The following OR2C1 variants were observed in gnomAD, a reference collection of about 807,000 sequenced individuals.
OR2C1 encodes olfactory receptor family 2 subfamily C member 1.
For missense variants in OR2C1, 468 were observed against 388.3 expected (o/e 1.21, Z -1.73); for synonymous variants, 209 against 167.3 (o/e 1.25, Z -1.92).
At chr16:3,344,749 T>G in the OR2C1 span, among the ~76,000 whole-genome samples, 1 of 150,140 alleles carries the variant, frequency 6.7e-6, no homozygotes, top group Non-Finnish European at 1.5e-5. Context: ...TTTTTTTGAT[T>G]ATACTAAGTG....
chr16:3,344,829 C>T, the OR2C1 span, among the ~76,000 whole-genome samples: 4 of 152,100 alleles, frequency 2.6e-5, no homozygotes, highest in African/African-American at 9.7e-5. Flanking sequence ...GCTACAACCC[C>T]TTTGGGACAG....
chr16:3,339,782 A>G, the OR2C1 span, among the ~76,000 whole-genome samples: 12 of 152,126 alleles, frequency 7.9e-5, no homozygotes, highest in Non-Finnish European at 1.6e-4. Flanking sequence ...TCAGCAATGC[A>G]TGAGAGTTCT....
chr16:3,356,847 A>C lies in OR2C1; in HGVS notation c.907A>C (p.Arg303=), dbSNP rs773269792. ...RNMEVKGALR[R]LLGKGREVG ...CATGGAAGTGAAGGGCGCACTGAGG[A>C]GGTTGCTGGGGAAAGGAAGAGAAGT... The change falls in exon 1 of 1, where the codon AGG becomes CGG. Residue 303 remains arginine (R), a synonymous_variant. Coordinates refer to ENST00000304936, the MANE Select transcript of OR2C1 (RefSeq NM_012368.3). The C allele has an allele frequency of 4.4e-6, 7 of 1,605,624 alleles. No individual in the cohort carries two copies. The Admixed American group carries it at 1.0e-4, about 23-fold the overall frequency.
At chr16:3,339,707 C>T in the OR2C1 span, among the ~76,000 whole-genome samples, 1 of 152,116 alleles carries the variant, frequency 6.6e-6, no homozygotes, top group Admixed American at 6.6e-5. Flanking sequence ...CCACCCGCCT[C>T]GGCCTCCCAA....
the OR2C1 span, among the ~76,000 whole-genome samples, chr16:3,333,844 C>G: frequency 2.7e-4 from 41 of 152,222 alleles, no homozygotes; most frequent in East Asian, 7.7e-3. Flanking sequence ...AGATTTAAGT[C>G]TTTAATCCAT....
chr16:3,337,598 A>T, the OR2C1 span, among the ~76,000 whole-genome samples: 6 of 152,044 alleles, frequency 3.9e-5, no homozygotes, highest in South Asian at 8.3e-4. Flanking sequence ...GATTTTTTTT[A>T]AATTACCTCA....
chr16:3,330,922 A>AT, the OR2C1 span, among the ~76,000 whole-genome samples: 6 of 150,958 alleles, frequency 4.0e-5, no homozygotes, highest in African/African-American at 1.5e-4. Flanking sequence ...GTAATTAAAA[A>AT]TTTTTTTTTT....
chr16:3,350,806 A>C, the OR2C1 span, among the ~76,000 whole-genome samples: 1 of 151,764 alleles, frequency 6.6e-6, no homozygotes, highest in Non-Finnish European at 1.5e-5. Context: ...CTTAACATAC[A>C]AACAAACAAA....
chr16:3,323,400 G>T, the OR2C1 span: 1 of 813,126 alleles, frequency 1.2e-6, no homozygotes, highest in South Asian at 1.3e-5. Context: ...TTCCCCAGGT[G>T]CTCCTCAATC....
the OR2C1 span, among the ~76,000 whole-genome samples, chr16:3,341,702 CT>C: frequency 2.0e-5 from 3 of 152,150 alleles, no homozygotes; most frequent in Admixed American, 2.0e-4. Context: ...TGCAAAGTTC[CT>C]GAGTATGAGC....
chr16:3,333,353 T>G, the OR2C1 span, among the ~76,000 whole-genome samples: 1 of 151,910 alleles, frequency 6.6e-6, no homozygotes, highest in African/African-American at 2.4e-5. Flanking sequence ...TTTAGTTTAT[T>G]TGAGACGGAG....
chr16:3,323,002 C>G, the OR2C1 span: 3 of 859,374 alleles, frequency 3.5e-6, no homozygotes, highest in Non-Finnish European at 2.8e-6. Context: ...TGGAACTGGA[C>G]TGTGATGAGA....
At chr16:3,326,972 C>T in the OR2C1 span, among the ~76,000 whole-genome samples, 4 of 152,138 alleles carry the variant, frequency 2.6e-5, no homozygotes, top group East Asian at 1.9e-4. Flanking sequence ...TGAATCTATA[C>T]ATTCCCTTTA....
chr16:3,323,761 G>A, the OR2C1 span: 1 of 700,102 alleles, frequency 1.4e-6, no homozygotes, highest in Admixed American at 2.2e-5. Context: ...AATTATGTAG[G>A]AATGATTCCA....
At chr16:3,327,834 T>C in the OR2C1 span, among the ~76,000 whole-genome samples, 1 of 151,778 alleles carries the variant, frequency 6.6e-6, no homozygotes, top group African/African-American at 2.4e-5. Flanking sequence ...ATTTACTCAC[T>C]TGCATTGGCT....
the OR2C1 span, among the ~76,000 whole-genome samples, chr16:3,325,261 C>A: frequency 6.6e-6 from 1 of 151,872 alleles, no homozygotes; most frequent in Non-Finnish European, 1.5e-5. Flanking sequence ...GGATTACAGG[C>A]CTGAGCCACT....
At chr16:3,324,288 A>G in the OR2C1 span, among the ~76,000 whole-genome samples, 3 of 152,012 alleles carry the variant, frequency 2.0e-5, no homozygotes, top group Non-Finnish European at 4.4e-5. Context: ...TCCCCAGTTC[A>G]AGCAATTCTC....
chr16:3,328,085 C>G, the OR2C1 span, among the ~76,000 whole-genome samples: 4 of 152,014 alleles, frequency 2.6e-5, no homozygotes, highest in East Asian at 7.7e-4. Context: ...TCTCCTTTAC[C>G]CTGGTTAGTG....
chr16:3,339,032 C>T, the OR2C1 span, among the ~76,000 whole-genome samples: 2 of 152,200 alleles, frequency 1.3e-5, no homozygotes, highest in Non-Finnish European at 2.9e-5. Context: ...CCCCACAGTC[C>T]TTGGAAACCA....
Sources: gnomAD v4.1 joint callset for allele counts (sites outside exome capture counted in the v4.1 genomes callset) on GRCh38, gnomAD v4.1.1 for gene constraint, MANE v1.5 for transcripts, NCBI Gene and HGNC (gene_info 2026-07-23, HGNC 2026-07-21) for gene names.